The following NRP2 variants were observed in gnomAD, a reference collection of about 807,000 sequenced individuals.
NRP2 encodes neuropilin-2.
Under a neutral mutation model 110.4 loss-of-function variants are expected in NRP2, and 52 were observed. The observed-to-expected ratio is 0.47, with a 90% confidence interval of 0.38 to 0.59. The LOEUF (loss-of-function observed/expected upper bound fraction) is 0.59. Ranked by LOEUF, NRP2 falls within the 20% of genes least tolerant of loss-of-function variation. NRP2 has a pLI of 0.00. For missense variants in NRP2, 1,049 were observed against 1,203.0 expected (o/e 0.87, Z 1.89); for synonymous variants, 508 against 468.9 (o/e 1.08, Z -1.08).
intron 10 of NRP2, among the ~76,000 whole-genome samples, chr2:205,746,111 T>G (rs2057534312): frequency 6.6e-6 from 1 of 152,186 alleles, no homozygotes; most frequent in African/African-American, 2.4e-5. Flanking sequence ...AGGGATCATT[T>G]CAGTTCTCCA....
At chr2:205,758,202 G>A (rs2057764135) in intron 12 of NRP2, among the ~76,000 whole-genome samples, 1 of 152,198 alleles carries the variant, frequency 6.6e-6, no homozygotes, top group Admixed American at 6.5e-5. Context: ...GCCAGCTGAG[G>A]GCTGACTCAT....
At chr2:205,733,062 T>C (rs1559334535) in intron 7 of NRP2, among the ~76,000 whole-genome samples, 1 of 152,152 alleles carries the variant, frequency 6.6e-6, no homozygotes, top group Non-Finnish European at 1.5e-5. Context: ...CCTCAGTTTA[T>C]CTGACCCTCT....
chr2:205,692,209 T>C lies in NRP2; in HGVS notation c.74-5335T>C, dbSNP rs145469700. On this transcript the variant is annotated intron_variant, in intron 1 of 16. Coordinates refer to ENST00000357785, the MANE Select transcript of NRP2 (RefSeq NM_003872.3). ...CATTTGCTGTGCCTTCAGGAGTGCA[T>C]CATTCACTGCCACCAGTCTCCATAA... Among the ~76,000 whole-genome samples, 655 of 152,304 alleles carry C rather than the reference T, an allele frequency of 4.3e-3. 4 individuals are homozygous for C. The highest frequency in any genetic ancestry group is 0.014 in the African/African-American group (577 of 41,574).
At chr2:205,728,440 C>T (rs551621537) in intron 7 of NRP2, among the ~76,000 whole-genome samples, 2 of 152,198 alleles carry the variant, frequency 1.3e-5, no homozygotes, top group African/African-American at 4.8e-5. Flanking sequence ...CAGGAGTTAC[C>T]GAGCTCTGGA....
At chr2:205,788,933 G>A (rs2058267317) in intron 15 of NRP2, among the ~76,000 whole-genome samples, 1 of 152,134 alleles carries the variant, frequency 6.6e-6, no homozygotes, top group African/African-American at 2.4e-5. Flanking sequence ...AATGAAAACT[G>A]CCCTTTGAAG....
At chr2:205,749,527 T>C (rs1379466148) in intron 10 of NRP2, among the ~76,000 whole-genome samples, 198 bp from the exon 11 acceptor site, 1 of 152,190 alleles carries the variant, frequency 6.6e-6, no homozygotes, top group Non-Finnish European at 1.5e-5. Flanking sequence ...TCACTGCTGG[T>C]TCTGCAACCC....
chr2:205,699,113 G>A (rs1037101009), intron 2 of NRP2, among the ~76,000 whole-genome samples: 6 of 152,330 alleles, frequency 3.9e-5, no homozygotes, highest in Non-Finnish European at 8.8e-5. Context: ...AGAGTCATAA[G>A]ATGAAGTTTC....
rs575347731 is a variant in NRP2, at chr2:205,766,876, A to G, written c.2425+73A>G. ...CCTTCCCCCATGTGATGTGAATTTG[A>G]TGGGGGGAATCAACCTCCAAATTTG... On this transcript the variant is annotated intron_variant, in intron 15 of 16. Transcript: ENST00000357785. The G allele has an allele frequency of 4.8e-5, 66 of 1,368,864 alleles. 1 individual carries two copies. In the South Asian group the frequency reaches 7.2e-4, roughly 15 times the overall value. 84.8% of individuals were successfully genotyped at this position (1,368,864 alleles called of 1,614,324 possible). A position where few individuals can be genotyped will look rare whatever the true frequency, so the allele number is the denominator to read the frequency against.
At chr2:205,767,309 G>A in intron 15 of NRP2, 1 of 453,042 alleles carries the variant, frequency 2.2e-6, no homozygotes, top group South Asian at 1.6e-5. Flanking sequence ...AGTACCTGCA[G>A]TCACCATACC....
At chr2:205,747,072 G>A (rs1053531164) in intron 10 of NRP2, among the ~76,000 whole-genome samples, 1 of 152,158 alleles carries the variant, frequency 6.6e-6, no homozygotes, top group African/African-American at 2.4e-5. Context: ...ATACAAGCTG[G>A]CTTCATTTAT....
intron 15 of NRP2, among the ~76,000 whole-genome samples, chr2:205,791,059 T>C (rs1417071284): frequency 2.0e-5 from 3 of 152,236 alleles, no homozygotes; most frequent in Non-Finnish European, 4.4e-5. Context: ...AGGAAAAGAC[T>C]GAATTTCAAA....
At position 205,683,163 on chromosome 2, in the gene NRP2, A is replaced by G. The variant is rs1395754877; in HGVS notation, c.-128A>G. The G allele has an allele frequency of 2.8e-6, 2 of 711,582 alleles. No individual in the cohort carries two copies. Among genetic ancestry groups the G allele is most frequent in the East Asian group, 5.5e-5 (2 of 36,598 alleles). The allele number at this position is 711,582 out of a possible 1,614,324, so 44.1% of individuals were successfully genotyped here. ...TGAAGACAAGCCACCAGGACTCAGG[A>G]GGGAAACGCTGACCATTAGAAACCT... is the stretch of plus-strand genomic sequence containing the variant. On this transcript the variant is annotated 5_prime_UTR_variant, in exon 1 of 17. Transcript: ENST00000357785.
chr2:205,792,699 T>TG (rs1159243934), intron 16 of NRP2, among the ~76,000 whole-genome samples: 1 of 152,162 alleles, frequency 6.6e-6, no homozygotes, highest in Non-Finnish European at 1.5e-5. Context: ...TTCCCTGGCT[T>TG]GGGGGAAACC....
At chr2:205,791,884 C>T (rs2058305942) in intron 15 of NRP2, among the ~76,000 whole-genome samples, 1 of 152,134 alleles carries the variant, frequency 6.6e-6, no homozygotes, top group South Asian at 2.1e-4. Context: ...AATGGACATC[C>T]CAGTAAAGGC....
intron 10 of NRP2, among the ~76,000 whole-genome samples, chr2:205,746,971 T>A (rs941086633): frequency 8.6e-5 from 13 of 151,946 alleles, no homozygotes; most frequent in Admixed American, 2.0e-4. Flanking sequence ...GACACTTAAC[T>A]CCCCATTACC....
intron 15 of NRP2, among the ~76,000 whole-genome samples, chr2:205,786,357 T>G (rs1306617442): frequency 3.3e-5 from 5 of 152,210 alleles, no homozygotes; most frequent in Non-Finnish European, 5.9e-5. Flanking sequence ...AGGCTACTCA[T>G]CTGAAAAATC....
rs1222798707 is a variant in NRP2, at chr2:205,796,325, G to C, written c.*1267G>C. 1 of 152,518 alleles carries C rather than the reference G, an allele frequency of 6.6e-6. No individual in the cohort carries two copies. Among genetic ancestry groups the C allele is most frequent in the East Asian group, 1.9e-4 (1 of 5,192 alleles). The allele number at this position is 152,518 out of a possible 1,614,324, so 9.4% of individuals were successfully genotyped here. On this transcript the variant is annotated 3_prime_UTR_variant, in exon 17 of 17. Coordinates refer to ENST00000357785, the MANE Select transcript of NRP2 (RefSeq NM_003872.3). ...GATGTACAAGAACTGATTCTAACCAGAAGTCCGCAAGTACTGTGGACAAGA... is the reference window on the plus strand; with the variant it reads ...GATGTACAAGAACTGATTCTAACCACAAGTCCGCAAGTACTGTGGACAAGA...
intron 3 of NRP2, among the ~76,000 whole-genome samples, chr2:205,716,855 T>A (rs2056908125): frequency 6.6e-6 from 1 of 152,150 alleles, no homozygotes; most frequent in Non-Finnish European, 1.5e-5. Flanking sequence ...AGCTTTTAAA[T>A]TAAAATAAGG....
chr2:205,733,247 G>A (rs977727630), intron 7 of NRP2, among the ~76,000 whole-genome samples: 1 of 152,194 alleles, frequency 6.6e-6, no homozygotes, highest in African/African-American at 2.4e-5. Flanking sequence ...GCGTCACCCA[G>A]CTCCCGTGGG....
Sources: gnomAD v4.1 joint callset for allele counts (sites outside exome capture counted in the v4.1 genomes callset) on GRCh38, gnomAD v4.1.1 for gene constraint, MANE v1.5 for transcripts, NCBI Gene and HGNC (gene_info 2026-07-23, HGNC 2026-07-21) for gene names.